The following LIMA1 variants were observed in gnomAD, a reference collection of about 807,000 sequenced individuals.
LIMA1 encodes LIM domain and actin-binding protein 1.
In LIMA1, 52 loss-of-function variants were observed where a neutral mutation model predicts 62.6. That is an observed-to-expected ratio of 0.83 (90% CI 0.67 to 1.05). The LOEUF (loss-of-function observed/expected upper bound fraction) is 1.05. Ranked by LOEUF, LIMA1 falls within the 50% of genes least tolerant of loss-of-function variation. The pLI is 0.00. For synonymous variants in LIMA1, 302 were observed against 317.8 expected, an observed-to-expected ratio of 0.95 and a Z score of 0.53; for missense variants, 780 against 902.2, an observed-to-expected ratio of 0.86 and a Z score of 1.74.
chr12:50,254,209 G>C (rs1941965264), intron 1 of LIMA1, among the ~76,000 whole-genome samples: 1 of 152,090 alleles, frequency 6.6e-6, no homozygotes, highest in Non-Finnish European at 1.5e-5. Context: ...TTGGCTGCAA[G>C]AGTTAAAGGA....
chr12:50,278,534 G>C (rs1394866698), intron 1 of LIMA1, among the ~76,000 whole-genome samples: 1 of 152,130 alleles, frequency 6.6e-6, no homozygotes, highest in Non-Finnish European at 1.5e-5. Flanking sequence ...AAAGCAATTT[G>C]GGAGCAGGTT....
At chr12:50,255,584 G>C (rs1430674997) in intron 1 of LIMA1, among the ~76,000 whole-genome samples, 1 of 144,132 alleles carries the variant, frequency 6.9e-6, no homozygotes, top group South Asian at 2.2e-4. Flanking sequence ...AAAAAAAAAA[G>C]TAAAGAAAAG....
Position 50,222,425 on chromosome 12 carries a change from A to G in LIMA1, c.226T>C (p.Trp76Arg). 6.2e-7 allele frequency: 1 copy of G among 1,614,176 alleles called. No individual in the cohort carries two copies. The highest frequency in any genetic ancestry group is 8.5e-7 in the Non-Finnish European group (1 of 1,180,030). Residue 76 changes from tryptophan (W) to arginine (R), a missense_variant, in exon 4 of 11, where the codon TGG (tryptophan) becomes CGG (arginine). Trp to Arg is a moderately radical substitution (Grantham distance 101). Transcript: ENST00000341247. ...TCTGCTCCCAGCCCTGGGTTCTCCCACTTCTTCTTTAACACAGTCAGGGTC... is the reference window on the plus strand; with the variant it reads ...TCTGCTCCCAGCCCTGGGTTCTCCCGCTTCTTCTTTAACACAGTCAGGGTC... The part of the protein sequence containing the change: ...KGTLTVLKKK[W>R]ENPGLGAESH...
intron 2 of LIMA1, among the ~76,000 whole-genome samples, chr12:50,247,073 CTG>C (rs1454003779): frequency 1.3e-5 from 2 of 152,074 alleles, no homozygotes; most frequent in African/African-American, 4.8e-5. Context: ...GAGTTTGAGG[CTG>C]CACTGAGCTG....
At chr12:50,239,339 G>A (rs573455363) in intron 2 of LIMA1, among the ~76,000 whole-genome samples, 243 of 152,296 alleles carry the variant, frequency 1.6e-3, no homozygotes, top group African/African-American at 5.6e-3. Flanking sequence ...ATGTATTCAT[G>A]TATTAAAACA....
At chr12:50,260,400 C>T (rs1942051188) in intron 1 of LIMA1, among the ~76,000 whole-genome samples, 1 of 152,136 alleles carries the variant, frequency 6.6e-6, no homozygotes, top group African/African-American at 2.4e-5. Context: ...CCACCCGCCT[C>T]GGCCTCCCAA....
intron 9 of LIMA1, among the ~76,000 whole-genome samples, chr12:50,191,110 A>G (rs918581853): frequency 2.3e-5 from 3 of 132,976 alleles, no homozygotes; most frequent in Admixed American, 2.1e-4. Context: ...ACCTGTCTCA[A>G]AAAAAAAAAA....
At chr12:50,273,600 A>G (rs962616142) in intron 1 of LIMA1, among the ~76,000 whole-genome samples, 1 of 152,342 alleles carries the variant, frequency 6.6e-6, no homozygotes, top group East Asian at 1.9e-4. Flanking sequence ...ATGAAAAGAA[A>G]TAGAAATTAG....
intron 1 of LIMA1, among the ~76,000 whole-genome samples, chr12:50,257,549 T>G (rs558834752): frequency 6.6e-6 from 1 of 152,324 alleles, no homozygotes; most frequent in East Asian, 1.9e-4. Flanking sequence ...TATGAACCTG[T>G]GATCAATTAA....
intron 1 of LIMA1, among the ~76,000 whole-genome samples, chr12:50,261,147 G>A (rs188655621): frequency 4.0e-4 from 57 of 141,552 alleles, no homozygotes; most frequent in Non-Finnish European, 7.8e-4. Context: ...CCGCCTCCCG[G>A]GTTCACGTCA....
chr12:50,203,010 T>TA (rs1476486887), intron 6 of LIMA1, among the ~76,000 whole-genome samples: 26 of 62,224 alleles, frequency 4.2e-4, no homozygotes, highest in African/African-American at 2.0e-3. Context: ...GTAACTTCCT[T>TA]TTTTTTTTTT....
At chr12:50,253,549 T>C (rs1464019339) in intron 1 of LIMA1, among the ~76,000 whole-genome samples, 2 of 152,222 alleles carry the variant, frequency 1.3e-5, no homozygotes, top group Non-Finnish European at 2.9e-5. Flanking sequence ...GAAAAATCCC[T>C]GAACCACCTA....
At chr12:50,277,119 G>A (rs2138712031) in intron 1 of LIMA1, among the ~76,000 whole-genome samples, 1 of 152,238 alleles carries the variant, frequency 6.6e-6, no homozygotes, top group South Asian at 2.1e-4. Flanking sequence ...ATCGAGTTTT[G>A]TGGCACAGGT....
chr12:50,266,590 A>C (rs1342765766), intron 1 of LIMA1, among the ~76,000 whole-genome samples: 1 of 152,200 alleles, frequency 6.6e-6, no homozygotes, highest in Non-Finnish European at 1.5e-5. Context: ...TGGAACAAAC[A>C]TGCTTGTACT....
At chr12:50,201,329 A>G (rs1281843667) in intron 6 of LIMA1, 1 of 987,684 alleles carries the variant, frequency 1.0e-6, no homozygotes, top group Non-Finnish European at 1.2e-6. Flanking sequence ...CCCGGCCTGG[A>G]AAGAGAGACA....
At chr12:50,273,960 C>T (rs1942245174) in intron 1 of LIMA1, among the ~76,000 whole-genome samples, 1 of 152,042 alleles carries the variant, frequency 6.6e-6, no homozygotes, top group Non-Finnish European at 1.5e-5. Flanking sequence ...AAGTAGATGG[C>T]TATAGTGGTA....
chr12:50,263,981 G>A (rs927427074), intron 1 of LIMA1, among the ~76,000 whole-genome samples: 9 of 150,824 alleles, frequency 6.0e-5, no homozygotes, highest in African/African-American at 1.5e-4. Flanking sequence ...GTCAACTGAT[G>A]AAAGGATGAA....
intron 8 of LIMA1, among the ~76,000 whole-genome samples, chr12:50,194,967 G>A (rs1325344539): frequency 6.6e-6 from 1 of 152,112 alleles, no homozygotes; most frequent in Non-Finnish European, 1.5e-5. Flanking sequence ...AGAATCGCTT[G>A]AACCTGGGAG....
At chr12:50,235,818 A>G (rs891292765) in intron 2 of LIMA1, among the ~76,000 whole-genome samples, 9 of 152,198 alleles carry the variant, frequency 5.9e-5, no homozygotes, top group Non-Finnish European at 1.5e-5. Context: ...AATATAAATA[A>G]CTACTAATAA....
Sources: gnomAD v4.1 joint callset for allele counts (sites outside exome capture counted in the v4.1 genomes callset) on GRCh38, gnomAD v4.1.1 for gene constraint, MANE v1.5 for transcripts, NCBI Gene and HGNC (gene_info 2026-07-23, HGNC 2026-07-21) for gene names.